TMCC3: variants seen among roughly 807,000 people sequenced by gnomAD.
The protein encoded by TMCC3 is transmembrane and coiled-coil domain protein 3.
In TMCC3, 28 loss-of-function variants were observed where a neutral mutation model predicts 40.2. The observed-to-expected ratio is 0.70, with a 90% CI of 0.52 to 0.95. The LOEUF (loss-of-function observed/expected upper bound fraction) is 0.95. Among genes scored for constraint, TMCC3 ranks in the 40% least tolerant of loss-of-function variants. TMCC3 has a pLI of 0.00. For synonymous variants in TMCC3, 255 were observed against 248.5 expected (o/e 1.03, Z -0.25); for missense variants, 554 against 615.2 (o/e 0.90, Z 1.05).
rs534546256 is a variant in TMCC3 at position 94,594,317 on chromosome 12, T to C, written c.79-11779A>G. On this transcript the variant is annotated intron_variant, in intron 1 of 3. Coordinates refer to ENST00000261226, the MANE Select transcript of TMCC3 (RefSeq NM_020698.4). ...TCACTAGCTCACTGCAACCTTGAAC[T>C]CCTGGGCTCAAGTTATCCTCTCACC... Among the ~76,000 whole-genome samples the C allele has an allele frequency of 1.3e-3, 198 of 152,000 alleles. 1 individual carries two copies. The highest frequency in any genetic ancestry group is 2.9e-4 in the Non-Finnish European group (20 of 67,996).
chr12:94,601,240 C>T (rs1324834917), intron 1 of TMCC3, among the ~76,000 whole-genome samples: 1 of 152,124 alleles, frequency 6.6e-6, no homozygotes, highest in Non-Finnish European at 1.5e-5. Flanking sequence ...CCTGGCCGGG[C>T]GCGGTGGCTC....
intron 1 of TMCC3, among the ~76,000 whole-genome samples, chr12:94,608,286 T>C (rs1015794153): frequency 7.9e-5 from 12 of 152,220 alleles, no homozygotes; most frequent in African/African-American, 7.2e-5. Flanking sequence ...TTATATAGCA[T>C]CTTTCATTAA....
At chr12:94,641,486 T>C (rs2068990626) in intron 1 of TMCC3, among the ~76,000 whole-genome samples, 1 of 152,142 alleles carries the variant, frequency 6.6e-6, no homozygotes, top group African/African-American at 2.4e-5. Context: ...ACGGGCTTTT[T>C]CTAGGGGGAC....
intron 1 of TMCC3, among the ~76,000 whole-genome samples, chr12:94,648,775 T>C (rs116851918): frequency 0.012 from 1,821 of 152,326 alleles, 22 homozygotes; most frequent in Non-Finnish European, 0.019. Context: ...GAGTTGACAA[T>C]GAGCCATCCA....
chr12:94,616,203 G>T, intron 1 of TMCC3: 1 of 582,394 alleles, frequency 1.7e-6, no homozygotes, highest in Non-Finnish European at 2.2e-6. Context: ...TGTGCAGTCA[G>T]CAGAAGAGAT....
At chr12:94,631,896 G>T (rs2068935746) in intron 1 of TMCC3, among the ~76,000 whole-genome samples, 1 of 152,192 alleles carries the variant, frequency 6.6e-6, no homozygotes, top group Non-Finnish European at 1.5e-5. Context: ...AAACAGATGA[G>T]GTGTGGGATT....
At position 94,648,454 on chromosome 12, in the gene TMCC3, T is replaced by G. The variant is rs191213966; in HGVS notation, c.78+1899A>C. Among the ~76,000 whole-genome samples the G allele has an allele frequency of 4.5e-3, 680 of 152,270 alleles. 4 individuals carry two copies. The highest frequency in any genetic ancestry group is 0.016 in the African/African-American group (649 of 41,578). On this transcript the variant is annotated intron_variant, in intron 1 of 3. Transcript: ENST00000261226. ...CTCGGCCAGGCTGGTCTTGAACTCC[T>G]GACCTGGTGATCCACCTATCTCGGC... is the stretch of plus-strand genomic sequence containing the variant.
rs2068609139 is a variant in TMCC3 at position 94,582,337 on chromosome 12, C to A, written c.280G>T (p.Ala94Ser). ...TTGTTCACTAGTTTCAGATACTCCG[C>A]AACATTCCCATCGCGCGATGTTTGC... ...IEQTSRDGNV[A>S]EYLKLVNNAD... The change falls in exon 2 of 4, where the codon GCG becomes TCG. Residue 94 changes from alanine to serine, a missense_variant. Coordinates refer to ENST00000261226, the MANE Select transcript of TMCC3 (RefSeq NM_020698.4). 1.2e-6 allele frequency: 2 copies of A among 1,614,026 alleles called. No individual in the cohort carries two copies. The highest frequency in any genetic ancestry group is 4.5e-5 in the East Asian group (2 of 44,856).
intron 1 of TMCC3, chr12:94,609,816 C>T (rs1232165311): frequency 6.6e-6 from 1 of 152,206 alleles, no homozygotes; most frequent in Admixed American, 6.5e-5. Flanking sequence ...CACATGGAGG[C>T]AAGAGAGCTA....
chr12:94,614,888 G>A (rs1288525089), intron 1 of TMCC3, among the ~76,000 whole-genome samples: 4 of 151,044 alleles, frequency 2.6e-5, no homozygotes, highest in East Asian at 2.0e-4. Context: ...TCAGCCTCCC[G>A]AGTAGCTGGG....
intron 1 of TMCC3, 123 bp from the exon 2 acceptor site, chr12:94,582,661 G>A (rs939002223): frequency 6.9e-5 from 61 of 877,970 alleles, no homozygotes; most frequent in East Asian, 5.7e-4. Context: ...CAAGTGTCAC[G>A]GGATAAAATC....
At chr12:94,591,626 T>C (rs1267649902) in intron 1 of TMCC3, among the ~76,000 whole-genome samples, 2 of 152,116 alleles carry the variant, frequency 1.3e-5, no homozygotes, top group Non-Finnish European at 2.9e-5. Flanking sequence ...CATGGTGGCA[T>C]GCACTTGTAA....
intron 3 of TMCC3, among the ~76,000 whole-genome samples, chr12:94,577,563 C>T (rs190580653): frequency 6.6e-6 from 1 of 152,246 alleles, no homozygotes; most frequent in Non-Finnish European, 1.5e-5. Flanking sequence ...TGGGACTGAA[C>T]GTGGAAATGT....
intron 1 of TMCC3, chr12:94,598,600 CA>C (rs1161481918): frequency 1.0e-6 from 1 of 985,274 alleles, no homozygotes; most frequent in Non-Finnish European, 1.2e-6. Flanking sequence ...TACCCACTAC[CA>C]AAGATCCTCA....
In TMCC3 at chr12:94,592,661, CA is replaced by C. The variant is rs869058316; in HGVS notation, c.79-10124del. Among the ~76,000 whole-genome samples, 178 of 27,504 alleles carry C rather than the reference CA, an allele frequency of 6.5e-3. 2 individuals carry two copies. The highest frequency in any genetic ancestry group is 0.028 in the Middle Eastern group (1 of 36). 18.0% of individuals were successfully genotyped at this position (27,504 alleles called of 152,430 possible). Reference sequence around the variant, plus strand: ...TGAGCCTGGACAACAGGCTCCATCTCAAAAAAAAAAAAAAAAAAAAAATTCT... The same window carrying C: ...TGAGCCTGGACAACAGGCTCCATCTCAAAAAAAAAAAAAAAAAAAAATTCT... On this transcript the variant is annotated intron_variant, in intron 1 of 3. Coordinates refer to ENST00000261226, the MANE Select transcript of TMCC3 (RefSeq NM_020698.4).
chr12:94,572,039 C>T (rs1029207193), intron 3 of TMCC3, among the ~76,000 whole-genome samples: 13 of 152,102 alleles, frequency 8.5e-5, no homozygotes, highest in Non-Finnish European at 2.9e-5. Flanking sequence ...CTTGCTCTGT[C>T]GCCAGGCTGG....
At chr12:94,602,434 T>G (rs2068758578) in intron 1 of TMCC3, among the ~76,000 whole-genome samples, 1 of 152,172 alleles carries the variant, frequency 6.6e-6, no homozygotes, top group African/African-American at 2.4e-5. Flanking sequence ...ATAGCAAACA[T>G]GTGCACTGGT....
intron 1 of TMCC3, among the ~76,000 whole-genome samples, chr12:94,621,014 T>C (rs1027939798): frequency 1.3e-5 from 2 of 152,220 alleles, no homozygotes; most frequent in East Asian, 1.9e-4. Flanking sequence ...TTAAGCAAGA[T>C]TGATGCCCAG....
chr12:94,591,102 T>C (rs963797605), intron 1 of TMCC3: 1 of 482,014 alleles, frequency 2.1e-6, no homozygotes, highest in Non-Finnish European at 4.1e-6. Context: ...GTCGTGCTGG[T>C]TGCCCCTCCA....
Sources: allele counts gnomAD v4.1 joint callset (sites outside exome capture counted in the v4.1 genomes callset), GRCh38; gene constraint gnomAD v4.1.1; transcripts MANE v1.5; gene names NCBI Gene and HGNC (gene_info 2026-07-23, HGNC 2026-07-21).